AARS2: variants seen among roughly 807,000 people sequenced by gnomAD.
AARS2 encodes the protein alanyl-tRNA synthetase 2, mitochondrial.
AARS2 carries 78 observed loss-of-function variants against 119.7 expected under a neutral mutation model. The ratio of observed to expected loss-of-function variants is 0.65; its 90% CI spans 0.54 to 0.79. The LOEUF (loss-of-function observed/expected upper bound fraction) is 0.79, where lower values mean the gene tolerates loss of function less well. Among genes scored for constraint, AARS2 ranks in the 30% least tolerant of loss-of-function variants. The pLI is 0.00. For missense variants in AARS2, 1,157 were observed against 1,291.3 expected (o/e 0.90, Z 1.59); for synonymous variants, 502 against 526.3 (o/e 0.95, Z 0.63).
rs184321024 is a variant in AARS2, at chr6:44,299,307, G to A, written c.*1240C>T. 1.6e-4 allele frequency among the ~76,000 whole-genome samples: 24 copies of A among 152,002 alleles called. No homozygotes were observed. Among genetic ancestry groups the A allele is most frequent in the Non-Finnish European group, 2.9e-5 (2 of 68,000 alleles). On this transcript the variant is annotated 3_prime_UTR_variant, in exon 22 of 22. Coordinates refer to ENST00000244571, the MANE Select transcript of AARS2 (RefSeq NM_020745.4). ...TCACTCTGTTGCCTGGAGTGCAGTG[G>A]TGCAATCATAGCTCACTGCGGCCTT...
chr6:44,307,480 G>T lies in AARS2; in HGVS notation c.895-86C>A. 6.6e-7 allele frequency: 1 copy of T among 1,510,380 alleles called. No homozygotes were observed. The highest frequency in any genetic ancestry group is 8.9e-7 in the Non-Finnish European group (1 of 1,123,736). The allele number at this position is 1,510,380 out of a possible 1,614,324, so 93.6% of individuals were successfully genotyped here. On this transcript the variant is annotated intron_variant, in intron 5 of 21. Transcript: ENST00000244571. The surrounding 1 kb of genome is among the most constrained non-coding windows in gnomAD (Gnocchi z 4.4). ...ATCGCCTCTAGAGCATCTGCCCTCA[G>T]CCCTAAAGCCAACCACATCCAGAAT... is the stretch of plus-strand genomic sequence containing the variant.
At chr6:44,309,388 C>T (rs1786159209) in intron 5 of AARS2, among the ~76,000 whole-genome samples, 1 of 152,210 alleles carries the variant, frequency 6.6e-6, no homozygotes. Flanking sequence ...CGCTAGCTCA[C>T]AGACTCAGGG....
In AARS2 at chr6:44,304,545, T is replaced by A; in HGVS notation, c.1753-12A>T. The A allele has an allele frequency of 6.2e-7, 1 of 1,613,590 alleles. No individual in the cohort carries two copies. On this transcript the variant is annotated splice_polypyrimidine_tract_variant and intron_variant, in intron 12 of 21. Coordinates refer to ENST00000244571, the MANE Select transcript of AARS2 (RefSeq NM_020745.4). The stretch of plus-strand genomic sequence containing the variant: ...GGGAACAGCACGTCCTGAGGGAGGG[T>A]AGTGGTCAAGGTGCCTGTAGCCTTT...
At position 44,301,278 on chromosome 6, in the gene AARS2, A is replaced by G; in HGVS notation, c.2683-12T>C. On this transcript the variant is annotated splice_polypyrimidine_tract_variant and intron_variant, in intron 20 of 21. Coordinates refer to ENST00000244571, the MANE Select transcript of AARS2 (RefSeq NM_020745.4). Reference sequence around the variant, plus strand: ...ACCTTCACCAGCACCTGGACCACGAAAGACAGATGGTGAGCCCATCGCTTC... The same window carrying G: ...ACCTTCACCAGCACCTGGACCACGAGAGACAGATGGTGAGCCCATCGCTTC... 1 of 1,613,854 alleles carries G rather than the reference A, an allele frequency of 6.2e-7. No homozygotes were observed. Among genetic ancestry groups the G allele is most frequent in the Middle Eastern group, 1.7e-4 (1 of 6,060 alleles).
At position 44,305,029 on chromosome 6, in the gene AARS2, G is replaced by A. The variant is rs376894852; in HGVS notation, c.1579+25C>T. On this transcript the variant is annotated intron_variant, in intron 11 of 21. Transcript: ENST00000244571. The surrounding 1 kb of genome is among the most constrained non-coding windows in gnomAD (Gnocchi z 4.6). ...AGTCATGGTCAGGCAAGCTTGTGGC[G>A]GCAGGCCTTGGTCCAGGCTCTCACC... 179 of 1,613,936 alleles carry A rather than the reference G, an allele frequency of 1.1e-4. 1 individual carries two copies. Among genetic ancestry groups the A allele is most frequent in the South Asian group, 9.9e-4 (90 of 91,084 alleles).
chr6:44,307,493 C>T lies in AARS2; in HGVS notation c.895-99G>A. 1 of 1,477,944 alleles carries T rather than the reference C, an allele frequency of 6.8e-7. No individual in the cohort carries two copies. Among genetic ancestry groups the T allele is most frequent in the Non-Finnish European group, 9.1e-7 (1 of 1,095,986 alleles). The allele number at this position is 1,477,944 out of a possible 1,614,324, so 91.6% of individuals were successfully genotyped here. The stretch of plus-strand genomic sequence containing the variant: ...CATCTGCCCTCAGCCCTAAAGCCAA[C>T]CACATCCAGAATGGCCTTGCCAGTC... On this transcript the variant is annotated intron_variant, in intron 5 of 21. Coordinates refer to ENST00000244571, the MANE Select transcript of AARS2 (RefSeq NM_020745.4). This position sits in a 1 kb window ranked among gnomAD's most constrained non-coding sequence, Gnocchi z 4.4.
In AARS2 at chr6:44,302,905, A is replaced by C. The variant is rs1323647093; in HGVS notation, c.2261T>G (p.Leu754Arg). ...TSVELCCGTH[L>R]LRTGAVGDLV... The stretch of plus-strand genomic sequence containing the variant: ...GTCCCCTACAGCCCCAGTACGTAAC[A>C]GGTGCCTGTGGGAGGAAGGAGTGAA... Residue 754 changes from leucine to arginine, a missense_variant, in exon 17 of 22, where the codon CTG (leucine) becomes CGG (arginine). Leu to Arg is a moderately radical substitution (Grantham distance 102). Coordinates refer to ENST00000244571, the MANE Select transcript of AARS2 (RefSeq NM_020745.4). 2 of 1,614,024 alleles carry C rather than the reference A, an allele frequency of 1.2e-6. No individual in the cohort carries two copies. Among genetic ancestry groups the C allele is most frequent in the Non-Finnish European group, 1.7e-6 (2 of 1,179,976 alleles).
rs763349031 is a variant in AARS2 at position 44,306,505 on chromosome 6, T to C, written c.1177A>G (p.Asn393Asp). 2.5e-6 allele frequency: 4 copies of C among 1,614,126 alleles called. No homozygotes were observed. The highest frequency in any genetic ancestry group is 2.5e-6 in the Non-Finnish European group (3 of 1,180,000). ...LGDAYPELQR[N>D]SAQIANLVSE... ...CTGGAATCCAGTACCTGGGCTGAGT[T>C]CCTTTGCAGTTCTGGATAAGCATCT... Residue 393 changes from asparagine (N) to aspartate (D), a missense_variant, in exon 8 of 22, where the codon AAC (asparagine) becomes GAC (aspartate). Coordinates refer to ENST00000244571, the MANE Select transcript of AARS2 (RefSeq NM_020745.4).
In AARS2 at chr6:44,305,122, C is replaced by A. The variant is rs779531267; in HGVS notation, c.1511G>T (p.Arg504Leu). 9 of 1,613,828 alleles carry A rather than the reference C, an allele frequency of 5.6e-6. No individual in the cohort carries two copies. The Admixed American group carries it at 1.0e-4, about 18-fold the overall frequency. ...LDVHALGELQ[R>L]QGVPPTDDSP... ...GTCGTCAGTTGGGGGCACTCCTTGG[C>A]GCTGCAGCTCCCCAAGCGCATGGAC... The change falls in exon 11 of 22, where the codon CGC becomes CTC. Residue 504 changes from arginine to leucine, a missense_variant. Transcript: ENST00000244571. The surrounding 1 kb of genome is among the most constrained non-coding windows in gnomAD (Gnocchi z 4.6).
intron 5 of AARS2, among the ~76,000 whole-genome samples, chr6:44,308,041 A>T (rs2153355779): frequency 6.6e-6 from 1 of 152,312 alleles, no homozygotes; most frequent in Non-Finnish European, 1.5e-5. Flanking sequence ...CCTACCCGTC[A>T]TGATCCATCA....
In AARS2 at chr6:44,303,065, C is replaced by T. The variant is rs1186074948; in HGVS notation, c.2255+1G>A. On this transcript the variant is annotated splice_donor_variant, in intron 16 of 21. Coordinates refer to ENST00000244571, the MANE Select transcript of AARS2 (RefSeq NM_020745.4). LOFTEE classifies it high-confidence loss of function. Reference sequence around the variant, plus strand: ...CCAGGCAGCACAAAGGAGTGACTCACGTCCCACAGCATAGCTCCACAGAGG... The same window carrying T: ...CCAGGCAGCACAAAGGAGTGACTCATGTCCCACAGCATAGCTCCACAGAGG... The T allele has an allele frequency of 5.0e-6, 8 of 1,613,990 alleles. No homozygotes were observed. The highest frequency in any genetic ancestry group is 2.2e-5 in the East Asian group (1 of 44,894).
At position 44,299,480 on chromosome 6, in the gene AARS2, G is replaced by C. The variant is rs1785186663; in HGVS notation, c.*1067C>G. Among the ~76,000 whole-genome samples the C allele has an allele frequency of 6.6e-6, 1 of 151,462 alleles. No individual in the cohort carries two copies. The highest frequency in any genetic ancestry group is 1.5e-5 in the Non-Finnish European group (1 of 67,892). On this transcript the variant is annotated 3_prime_UTR_variant, in exon 22 of 22. Transcript: ENST00000244571. ...AGGGTCTTGCTGTTTGCGCAGGCTGGTCTTGCACTTCTGGCCTCAAGCGAT... is the reference window on the plus strand; with the variant it reads ...AGGGTCTTGCTGTTTGCGCAGGCTGCTCTTGCACTTCTGGCCTCAAGCGAT...
intron 15 of AARS2, 21 bp from the exon 16 acceptor site, chr6:44,303,196 G>T (rs559003443): frequency 1.2e-6 from 2 of 1,613,948 alleles, no homozygotes; most frequent in African/African-American, 2.7e-5. Flanking sequence ...GAGGGGACAG[G>T]CCCGTTAACT....
intron 4 of AARS2, 70 bp downstream of exon 4, chr6:44,310,924 C>A: frequency 6.3e-7 from 1 of 1,598,178 alleles, no homozygotes; most frequent in Non-Finnish European, 8.6e-7. Context: ...TGAAACAGAT[C>A]AAAGTCTTCT....
At chr6:44,304,888 G>A (rs1294089430) in intron 11 of AARS2, 71 bp from the exon 12 acceptor site, 1 of 1,610,418 alleles carries the variant, frequency 6.2e-7, no homozygotes, top group African/African-American at 1.3e-5. Flanking sequence ...TGTGCCTGGA[G>A]GCCAACAAGC....
rs1397374706 is a variant in AARS2, at chr6:44,312,206, G to A, written c.301C>T (p.Arg101Cys). The A allele has an allele frequency of 6.2e-7, 1 of 1,614,118 alleles. No homozygotes were observed. Among genetic ancestry groups the A allele is most frequent in the South Asian group, 1.1e-5 (1 of 91,090 alleles). Residue 101 changes from arginine to cysteine, a missense_variant, in exon 2 of 22, where the codon CGT becomes TGT. Transcript: ENST00000244571. ...DPRSEMAGFR[R>C]VANSQKCVRA... ...ACACATTTCTGGCTGTTGGCCACAC[G>A]TCGGAAGCCTGCCATCTCGCTTCGT...
intron 17 of AARS2, 107 bp downstream of exon 17, chr6:44,302,695 A>G (rs905339787): frequency 2.8e-6 from 4 of 1,449,846 alleles, no homozygotes; most frequent in Non-Finnish European, 3.8e-6. Context: ...GTGTCCAAGT[A>G]TGAACACTGG....
intron 19 of AARS2, 96 bp from the exon 20 acceptor site, chr6:44,301,560 T>C (rs1785360791): frequency 4.2e-6 from 5 of 1,193,502 alleles, no homozygotes; most frequent in Non-Finnish European, 6.1e-6. Flanking sequence ...AGCAATCCCC[T>C]GCTTCCCCCA....
rs372094957 is a variant in AARS2 at position 44,305,100 on chromosome 6, G to A, written c.1533C>T (p.Asp511=). 65 of 1,613,960 alleles carry A rather than the reference G, an allele frequency of 4.0e-5. No individual in the cohort carries two copies. The highest frequency in any genetic ancestry group is 3.8e-4 in the East Asian group (17 of 44,898). ...GGGAGTAGTTGTACTTGGGGCTGTCGTCAGTTGGGGGCACTCCTTGGCGCT... is the reference window on the plus strand; with the variant it reads ...GGGAGTAGTTGTACTTGGGGCTGTCATCAGTTGGGGGCACTCCTTGGCGCT... ...ELQRQGVPPT[D]DSPKYNYSLR... The change falls in exon 11 of 22, where the codon GAC becomes GAT. Residue 511 remains aspartate, a synonymous_variant. Transcript: ENST00000244571. This position sits in a 1 kb window ranked among gnomAD's most constrained non-coding sequence, Gnocchi z 4.6.
Sources: allele counts gnomAD v4.1 joint callset (sites outside exome capture counted in the v4.1 genomes callset), GRCh38; gene constraint gnomAD v4.1.1; non-coding constraint Gnocchi (gnomAD v3.1); transcripts MANE v1.5; gene names NCBI Gene and HGNC (gene_info 2026-07-23, HGNC 2026-07-21).